The following RIMS2 variants were observed in gnomAD, a reference collection of about 807,000 sequenced individuals.
RIMS2 encodes regulating synaptic membrane exocytosis protein 2.
A neutral mutation model predicts 174.4 loss-of-function variants in RIMS2; 59 were observed. The observed-to-expected ratio is 0.34, with a 90% confidence interval of 0.27 to 0.42. RIMS2 has a LOEUF of 0.42. RIMS2 is among the 10% of genes least tolerant of loss of function. The pLI is 1.00. For missense variants in RIMS2, 1,620 were observed against 1,666.3 expected (o/e 0.97, Z 0.48); for synonymous variants, 606 against 572.5 (o/e 1.06, Z -0.84).
At chr8:103,864,978 G>A (rs1594116593) in intron 3 of RIMS2, among the ~76,000 whole-genome samples, 1 of 152,138 alleles carries the variant, frequency 6.6e-6, no homozygotes, top group African/African-American at 2.4e-5. Flanking sequence ...ATTCAGAATG[G>A]ATTGATGCTA....
intron 19 of RIMS2, among the ~76,000 whole-genome samples, chr8:104,235,451 A>G (rs1214262348): frequency 6.6e-6 from 1 of 152,038 alleles, no homozygotes; most frequent in African/African-American, 2.4e-5. Context: ...GGTAGATTTT[A>G]TATCCAAAGC....
intron 2 of RIMS2, among the ~76,000 whole-genome samples, chr8:103,719,933 TTCTC>T (rs2097425180): frequency 6.6e-6 from 1 of 152,220 alleles, no homozygotes; most frequent in Admixed American, 6.5e-5. Flanking sequence ...AATTATTCCT[TTCTC>T]TCTTTTGACA....
intron 4 of RIMS2, among the ~76,000 whole-genome samples, chr8:103,888,249 G>A (rs1367794336): frequency 6.6e-6 from 1 of 151,362 alleles, no homozygotes; most frequent in African/African-American, 2.4e-5. Flanking sequence ...TGCATATGAA[G>A]TTTTAAAAAA....
At chr8:103,558,375 C>G (rs1425169250) in intron 1 of RIMS2, among the ~76,000 whole-genome samples, 4 of 152,116 alleles carry the variant, frequency 2.6e-5, no homozygotes, top group Admixed American at 1.3e-4. Context: ...AGGCATACAC[C>G]ACCACGCCTG....
intron 14 of RIMS2, among the ~76,000 whole-genome samples, chr8:103,957,343 A>G (rs2087725460): frequency 6.6e-6 from 1 of 152,232 alleles, no homozygotes; most frequent in Non-Finnish European, 1.5e-5. Flanking sequence ...AAGACTTGGA[A>G]CCAACCCAAA....
chr8:103,691,272 A>T (rs1048466232), intron 1 of RIMS2, among the ~76,000 whole-genome samples: 1 of 152,088 alleles, frequency 6.6e-6, no homozygotes, highest in East Asian at 1.9e-4. Context: ...CTTCGAACGA[A>T]CTTTTACCCC....
In RIMS2 at chr8:103,816,323, T is replaced by C. The variant is rs117166554; in HGVS notation, c.698+49786T>C. ...AGTCCTGTGGCGGTTTCCTATCCTG[T>C]CTATGTAAGTGATTGAAAAAGAATT... On this transcript the variant is annotated intron_variant, in intron 3 of 23. Transcript: ENST00000504942. 3.8e-3 allele frequency among the ~76,000 whole-genome samples: 579 copies of C among 152,282 alleles called. 1 individual carries two copies. Among genetic ancestry groups the C allele is most frequent in the Non-Finnish European group, 7.0e-3 (476 of 68,012 alleles).
intron 3 of RIMS2, among the ~76,000 whole-genome samples, chr8:103,788,063 T>G (rs193284601): frequency 3.4e-5 from 5 of 148,254 alleles, no homozygotes; most frequent in Non-Finnish European, 7.5e-5. Flanking sequence ...TTGATCGCAT[T>G]GGCTCCTGAG....
chr8:103,790,880 G>C (rs918780196), intron 3 of RIMS2, among the ~76,000 whole-genome samples: 3 of 151,712 alleles, frequency 2.0e-5, no homozygotes, highest in African/African-American at 7.3e-5. Flanking sequence ...TATGGTGTTA[G>C]GTGAAAAATG....
chr8:104,242,800 G>T (rs966653995), intron 19 of RIMS2, among the ~76,000 whole-genome samples: 1 of 152,188 alleles, frequency 6.6e-6, no homozygotes, highest in Admixed American at 6.5e-5. Flanking sequence ...ATATCTGGAG[G>T]TGCATATGAT....
intron 3 of RIMS2, among the ~76,000 whole-genome samples, chr8:103,827,127 G>T (rs1298225689): frequency 6.6e-6 from 1 of 151,876 alleles, no homozygotes; most frequent in African/African-American, 2.4e-5. Flanking sequence ...CATTTATTTA[G>T]GTCTCCTTAA....
At chr8:104,164,311 T>C (rs138573923) in intron 19 of RIMS2, among the ~76,000 whole-genome samples, 188 of 152,298 alleles carry the variant, frequency 1.2e-3, no homozygotes, top group African/African-American at 4.4e-3. Context: ...TTGATAAAGT[T>C]CTGCTTCAAC....
At chr8:103,941,819 C>T (rs887304012) in intron 13 of RIMS2, among the ~76,000 whole-genome samples, 1 of 152,044 alleles carries the variant, frequency 6.6e-6, no homozygotes, top group Non-Finnish European at 1.5e-5. Context: ...CAGTTTACAC[C>T]TCTTTCACTT....
At chr8:103,960,961 T>C (rs2089829382) in intron 14 of RIMS2, 104 bp from the exon 17 acceptor site, 1 of 727,314 alleles carries the variant, frequency 1.4e-6, no homozygotes, top group African/African-American at 1.8e-5. Flanking sequence ...TTTTTGTTAT[T>C]AACTGATTCA....
intron 3 of RIMS2, among the ~76,000 whole-genome samples, chr8:103,827,507 T>C (rs2098798712): frequency 6.6e-6 from 1 of 152,192 alleles, no homozygotes; most frequent in Admixed American, 6.5e-5. Flanking sequence ...ACAGAAGTTG[T>C]GAGAGTCTCT....
At chr8:104,025,176 TA>T (rs1249078471) in intron 19 of RIMS2, among the ~76,000 whole-genome samples, 1 of 152,166 alleles carries the variant, frequency 6.6e-6, no homozygotes, top group East Asian at 1.9e-4. Context: ...CTTGGTATGT[TA>T]AAATTGCTTA....
chr8:104,120,772 G>A (rs1466935473), intron 19 of RIMS2, among the ~76,000 whole-genome samples: 4 of 152,102 alleles, frequency 2.6e-5, no homozygotes, highest in South Asian at 4.1e-4. Context: ...AAAATTAGGA[G>A]TATCACATTA....
At chr8:103,597,029 G>A (rs1389001740) in intron 1 of RIMS2, among the ~76,000 whole-genome samples, 7 of 152,002 alleles carry the variant, frequency 4.6e-5, no homozygotes, top group Non-Finnish European at 8.8e-5. Context: ...AAGAAACCAG[G>A]AAATGATTTG....
intron 19 of RIMS2, among the ~76,000 whole-genome samples, chr8:104,137,667 A>G (rs2098532333): frequency 6.6e-6 from 1 of 152,178 alleles, no homozygotes; most frequent in South Asian, 2.1e-4. Context: ...TCCTCACTGA[A>G]TAGATTGCCT....
Sources: allele counts gnomAD v4.1 joint callset (sites outside exome capture counted in the v4.1 genomes callset), GRCh38; gene constraint gnomAD v4.1.1; transcripts MANE v1.5; gene names NCBI Gene and HGNC (gene_info 2026-07-23, HGNC 2026-07-21).